Variants in DPP10 observed in about 807,000 individuals in gnomAD.
DPP10 encodes inactive dipeptidyl peptidase 10.
Under a neutral mutation model 120.9 loss-of-function variants are expected in DPP10, and 33 were observed. The ratio of observed to expected loss-of-function variants is 0.27; its 90% CI spans 0.21 to 0.37. The LOEUF is 0.37. DPP10 is among the 10% of genes least tolerant of loss of function. The probability of loss-of-function intolerance (pLI) is 1.00; values close to 1 mark genes in which losing one functional copy is unlikely to be tolerated. For synonymous variants in DPP10, 337 were observed against 326.1 expected (o/e 1.03, Z -0.36); for missense variants, 816 against 942.8 (o/e 0.87, Z 1.76).
chr2:115,131,336 G>A (rs1001431014), intron 1 of DPP10, among the ~76,000 whole-genome samples: 1 of 152,114 alleles, frequency 6.6e-6, no homozygotes, highest in Non-Finnish European at 1.5e-5. Flanking sequence ...GCAAAATGGC[G>A]AGACCCTGTC....
chr2:115,719,353 A>T (rs545824043), intron 7 of DPP10, among the ~76,000 whole-genome samples: 1 of 152,320 alleles, frequency 6.6e-6, no homozygotes, highest in Admixed American at 6.5e-5. Context: ...GCTTCCTGAT[A>T]TGAATAATTG....
chr2:114,906,650 C>T (rs1693988954), intron 1 of DPP10, among the ~76,000 whole-genome samples: 1 of 152,058 alleles, frequency 6.6e-6, no homozygotes, highest in African/African-American at 2.4e-5. Context: ...TAATATAATA[C>T]ATTATATTAA....
chr2:115,001,724 C>T (rs79883304), intron 1 of DPP10, among the ~76,000 whole-genome samples: 1 of 151,990 alleles, frequency 6.6e-6, no homozygotes, highest in Non-Finnish European at 1.5e-5. Context: ...AGGTGCAATT[C>T]CAAACACTAG....
At chr2:114,525,919 A>G (rs1419290125) in intron 1 of DPP10, among the ~76,000 whole-genome samples, 1 of 152,178 alleles carries the variant, frequency 6.6e-6, no homozygotes, top group Non-Finnish European at 1.5e-5. Flanking sequence ...TCCAACTCCT[A>G]AACAGTAGCT....
At chr2:114,812,527 G>A (rs979451830) in intron 1 of DPP10, among the ~76,000 whole-genome samples, 1 of 151,160 alleles carries the variant, frequency 6.6e-6, no homozygotes, top group African/African-American at 2.4e-5. Context: ...GTTTGAGACT[G>A]CAGTGAGCTG....
At chr2:115,505,040 A>G (rs1373861835) in intron 4 of DPP10, among the ~76,000 whole-genome samples, 2 of 152,092 alleles carry the variant, frequency 1.3e-5, no homozygotes, top group Admixed American at 6.6e-5. Context: ...AATTACCATT[A>G]TGAAGGATCT....
chr2:115,497,149 G>C (rs1485013779), intron 3 of DPP10, among the ~76,000 whole-genome samples: 2 of 151,992 alleles, frequency 1.3e-5, no homozygotes, highest in Non-Finnish European at 2.9e-5. Flanking sequence ...AGCAGTAAGG[G>C]ATTATAGAAA....
chr2:115,169,845 A>G (rs925948844), intron 1 of DPP10, among the ~76,000 whole-genome samples: 3 of 152,334 alleles, frequency 2.0e-5, no homozygotes, highest in African/African-American at 4.8e-5. Flanking sequence ...CAAAATAACT[A>G]TGTATCAGAT....
At chr2:115,442,252 C>G (rs1360179899) in intron 3 of DPP10, among the ~76,000 whole-genome samples, 1 of 152,036 alleles carries the variant, frequency 6.6e-6, no homozygotes, top group Non-Finnish European at 1.5e-5. Context: ...CTCACTGGCT[C>G]TGTAAGAGGA....
At chr2:115,704,977 T>G (rs1299518652) in intron 7 of DPP10, among the ~76,000 whole-genome samples, 2 of 151,988 alleles carry the variant, frequency 1.3e-5, no homozygotes, top group Non-Finnish European at 2.9e-5. Flanking sequence ...TGTTTAATTT[T>G]TTATATTGTT....
chr2:114,824,835 T>C (rs957341533), intron 1 of DPP10, among the ~76,000 whole-genome samples: 3 of 152,196 alleles, frequency 2.0e-5, no homozygotes. Flanking sequence ...TTCAGAAGAC[T>C]AGGAAAAATA....
chr2:115,188,798 A>G (rs1191544881), intron 1 of DPP10, among the ~76,000 whole-genome samples: 2 of 152,022 alleles, frequency 1.3e-5, no homozygotes, highest in African/African-American at 4.8e-5. Context: ...CAGCAATCAC[A>G]CTTTTAGACA....
At chr2:114,554,418 C>T (rs1688126981) in intron 1 of DPP10, among the ~76,000 whole-genome samples, 1 of 152,164 alleles carries the variant, frequency 6.6e-6, no homozygotes, top group Non-Finnish European at 1.5e-5. Flanking sequence ...CTTTCTGGGC[C>T]TTAGCCTTCA....
intron 7 of DPP10, among the ~76,000 whole-genome samples, chr2:115,698,632 C>G (rs918125880): frequency 2.6e-5 from 4 of 152,150 alleles, no homozygotes; most frequent in Non-Finnish European, 1.5e-5. Flanking sequence ...TGTGCATACT[C>G]AAAGGAAAAG....
chr2:115,012,073 A>C (rs931089650), intron 1 of DPP10, among the ~76,000 whole-genome samples: 2 of 152,038 alleles, frequency 1.3e-5, no homozygotes, highest in African/African-American at 4.8e-5. Context: ...TCACCCTCGG[A>C]ATATAACTCC....
intron 19 of DPP10, among the ~76,000 whole-genome samples, chr2:115,797,647 A>C (rs528414708): frequency 3.4e-4 from 52 of 152,062 alleles, no homozygotes; most frequent in Non-Finnish European, 6.8e-4. Context: ...AAAATGACTA[A>C]GAAGAAAAAA....
At chr2:115,639,749 C>G (rs997983089) in intron 5 of DPP10, among the ~76,000 whole-genome samples, 3 of 151,956 alleles carry the variant, frequency 2.0e-5, no homozygotes, top group African/African-American at 7.3e-5. Flanking sequence ...ACCGGAATCT[C>G]TAGGGTTTTG....
chr2:115,647,968 G>A (rs1236749939), intron 5 of DPP10, among the ~76,000 whole-genome samples: 1 of 152,148 alleles, frequency 6.6e-6, no homozygotes, highest in Non-Finnish European at 1.5e-5. Context: ...ATAGAAGGAT[G>A]TGACTAATGC....
intron 1 of DPP10, among the ~76,000 whole-genome samples, chr2:114,755,935 A>G (rs1209651245): frequency 6.8e-6 from 1 of 147,636 alleles, no homozygotes; most frequent in African/African-American, 2.5e-5. Flanking sequence ...AGTCTGAGAC[A>G]GTGCTAGGAA....
Sources: gnomAD v4.1 joint callset for allele counts (sites outside exome capture counted in the v4.1 genomes callset) on GRCh38, gnomAD v4.1.1 for gene constraint, MANE v1.5 for transcripts, NCBI Gene and HGNC (gene_info 2026-07-23, HGNC 2026-07-21) for gene names.